Variants in MAGI2 observed in about 807,000 individuals in gnomAD.
MAGI2 encodes membrane-associated guanylate kinase, WW and PDZ domain-containing protein 2.
A neutral mutation model predicts 133.3 loss-of-function variants in MAGI2; 35 were observed. The ratio of observed to expected loss-of-function variants is 0.26; its 90% CI spans 0.20 to 0.35. The LOEUF (loss-of-function observed/expected upper bound fraction) is 0.35. Ranked by LOEUF, MAGI2 falls within the 10% of genes least tolerant of loss-of-function variation. The pLI is 1.00. For missense variants in MAGI2, 1,636 were observed against 1,863.4 expected (o/e 0.88, Z 2.25); for synonymous variants, 729 against 710.6 (o/e 1.03, Z -0.41).
At chr7:78,799,660 A>T (rs376264264) in intron 2 of MAGI2, among the ~76,000 whole-genome samples, 1 of 152,222 alleles carries the variant, frequency 6.6e-6, no homozygotes, top group East Asian at 1.9e-4. Flanking sequence ...TCAAGGCACC[A>T]ATATTTGCTT....
intron 21 of MAGI2, among the ~76,000 whole-genome samples, chr7:78,045,602 G>A (rs73703893): frequency 0.06 from 9,192 of 152,240 alleles, 295 homozygotes; most frequent in African/African-American, 0.088. Flanking sequence ...GCTGAATAAT[G>A]ATGGCGTTTT....
At chr7:78,491,696 G>C (rs961360926) in intron 5 of MAGI2, among the ~76,000 whole-genome samples, 1 of 151,916 alleles carries the variant, frequency 6.6e-6, no homozygotes, top group Non-Finnish European at 1.5e-5. Flanking sequence ...TCTGGCCCTC[G>C]TTTGCATGTC....
At chr7:78,145,021 T>G (rs1413151081) in intron 16 of MAGI2, among the ~76,000 whole-genome samples, 3 of 152,158 alleles carry the variant, frequency 2.0e-5, no homozygotes, top group Non-Finnish European at 4.4e-5. Flanking sequence ...TTTCATTTTG[T>G]TGAAGCATAT....
At chr7:78,603,953 G>A (rs1805496665) in intron 3 of MAGI2, among the ~76,000 whole-genome samples, 1 of 152,206 alleles carries the variant, frequency 6.6e-6, no homozygotes, top group Non-Finnish European at 1.5e-5. Context: ...ATAATGGTCA[G>A]AATAAGAAAT....
chr7:79,006,283 A>C (rs1263003215), intron 2 of MAGI2, among the ~76,000 whole-genome samples: 1 of 152,188 alleles, frequency 6.6e-6, no homozygotes, highest in Non-Finnish European at 1.5e-5. Context: ...AACGGAACTA[A>C]AAGAAAAGAA....
intron 1 of MAGI2, among the ~76,000 whole-genome samples, chr7:79,140,201 C>G (rs771586077): frequency 6.6e-6 from 1 of 152,162 alleles, no homozygotes; most frequent in Non-Finnish European, 1.5e-5. Context: ...TTTTATTTGT[C>G]ACTGTGGAGA....
chr7:78,675,626 T>C (rs1014459078), intron 2 of MAGI2, among the ~76,000 whole-genome samples: 3 of 152,092 alleles, frequency 2.0e-5, no homozygotes, highest in Non-Finnish European at 4.4e-5. Flanking sequence ...ACATAAGACA[T>C]TGAATCTGAA....
At chr7:79,076,340 C>G (rs919175406) in intron 1 of MAGI2, among the ~76,000 whole-genome samples, 12 of 152,174 alleles carry the variant, frequency 7.9e-5, no homozygotes, top group Non-Finnish European at 1.5e-5. Flanking sequence ...CTCGTGGTCT[C>G]TGTAACACAG....
chr7:79,352,591 T>C (rs543503713), intron 1 of MAGI2, among the ~76,000 whole-genome samples: 1 of 152,330 alleles, frequency 6.6e-6, no homozygotes, highest in East Asian at 1.9e-4. Flanking sequence ...CACACTGGGA[T>C]CTCTGTTCCC....
intron 1 of MAGI2, among the ~76,000 whole-genome samples, chr7:79,274,053 G>A (rs1444202536): frequency 6.6e-6 from 1 of 152,072 alleles, no homozygotes; most frequent in Non-Finnish European, 1.5e-5. Context: ...CCACCTGGAG[G>A]TAGGTTACCA....
chr7:79,004,415 T>A (rs1807224426), intron 2 of MAGI2, among the ~76,000 whole-genome samples: 1 of 152,062 alleles, frequency 6.6e-6, no homozygotes, highest in Non-Finnish European at 1.5e-5. Context: ...GTTGATTCCA[T>A]GGAGATAGAA....
At chr7:78,518,940 A>G (rs563823461) in intron 4 of MAGI2, 1 of 152,132 alleles carries the variant, frequency 6.6e-6, no homozygotes, top group African/African-American at 2.4e-5. Context: ...GGGTTTTGCC[A>G]TGTTGCCCAG....
At position 78,144,366 on chromosome 7, in the gene MAGI2, T is replaced by C. The variant is rs527440030; in HGVS notation, c.2846-9160A>G. 2.0e-5 allele frequency among the ~76,000 whole-genome samples: 3 copies of C among 152,290 alleles called. No homozygotes were observed. The South Asian group carries it at 6.2e-4, about 32-fold the overall frequency. On this transcript the variant is annotated intron_variant, in intron 16 of 21. Transcript: ENST00000354212. ...AATATCTATTCACTTCTTATTCTGA[T>C]AGAGGATTTAGCACTCTTCCTCTGC... is the stretch of plus-strand genomic sequence containing the variant.
chr7:78,733,492 C>T (rs1177959514), intron 2 of MAGI2, among the ~76,000 whole-genome samples: 2 of 152,154 alleles, frequency 1.3e-5, no homozygotes, highest in Non-Finnish European at 2.9e-5. Context: ...TACATATTAA[C>T]AGCAAAAATA....
intron 5 of MAGI2, among the ~76,000 whole-genome samples, chr7:78,499,006 C>T (rs1356045743): frequency 2.6e-5 from 4 of 152,064 alleles, no homozygotes; most frequent in Admixed American, 2.6e-4. Flanking sequence ...CTAATACTGT[C>T]CACCAGTCCT....
intron 3 of MAGI2, among the ~76,000 whole-genome samples, chr7:78,523,627 C>A (rs1220472131): frequency 2.6e-5 from 4 of 152,280 alleles, no homozygotes; most frequent in East Asian, 3.9e-4. Flanking sequence ...AAAGGGGAAG[C>A]AAGCCCCTTC....
chr7:78,245,922 C>T (rs1048358622), intron 10 of MAGI2, among the ~76,000 whole-genome samples: 9 of 152,160 alleles, frequency 5.9e-5, no homozygotes, highest in Non-Finnish European at 1.0e-4. Flanking sequence ...GTCCTGCTCT[C>T]GGGGTGAGTG....
intron 6 of MAGI2, among the ~76,000 whole-genome samples, chr7:78,388,969 T>A (rs1385688357): frequency 6.6e-6 from 1 of 152,176 alleles, no homozygotes; most frequent in Non-Finnish European, 1.5e-5. Context: ...AAATTTTAAG[T>A]AATTAAAAAA....
At chr7:79,228,924 A>G (rs1261925554) in intron 1 of MAGI2, among the ~76,000 whole-genome samples, 1 of 152,088 alleles carries the variant, frequency 6.6e-6, no homozygotes, top group East Asian at 1.9e-4. Context: ...TGCTTTGTCT[A>G]CCCAACACCA....
Sources: allele counts gnomAD v4.1 joint callset (sites outside exome capture counted in the v4.1 genomes callset), GRCh38; gene constraint gnomAD v4.1.1; transcripts MANE v1.5; gene names NCBI Gene and HGNC (gene_info 2026-07-23, HGNC 2026-07-21).